ZC3H12B: variants seen among roughly 807,000 people sequenced by gnomAD.
ZC3H12B encodes probable ribonuclease ZC3H12B.
In ZC3H12B, 7 loss-of-function variants were observed where a neutral mutation model predicts 43.9. The ratio of observed to expected loss-of-function variants is 0.16; its 90% CI spans 0.09 to 0.30. The LOEUF (loss-of-function observed/expected upper bound fraction) is 0.30, where lower values mean the gene tolerates loss of function less well. Ranked by LOEUF, ZC3H12B falls within the 10% of genes least tolerant of loss-of-function variation. The pLI is 1.00. For synonymous variants in ZC3H12B, 222 were observed against 241.7 expected (o/e 0.92, Z 0.76); for missense variants, 475 against 670.2 (o/e 0.71, Z 3.22).
chrX:65,279,512 G>T, the ZC3H12B span, among the ~76,000 whole-genome samples: 1 of 110,931 alleles, frequency 9.0e-6, no homozygotes, highest in African/African-American at 3.3e-5. Flanking sequence ...TAACTGGCTA[G>T]CCATATGCAG....
chrX:65,451,628 C>T (rs1602465812), intron 3 of ZC3H12B, among the ~76,000 whole-genome samples: 1 of 112,106 alleles, frequency 8.9e-6, no homozygotes, highest in East Asian at 2.8e-4. Context: ...GCATCAGCCA[C>T]TGTGCTCAGC....
At chrX:65,254,824 A>G in the ZC3H12B span, among the ~76,000 whole-genome samples, 2 of 111,465 alleles carry the variant, frequency 1.8e-5, no homozygotes, top group African/African-American at 3.3e-5. Context: ...CAATAAAATG[A>G]TACAGGAGAT....
At chrX:65,426,130 A>G (rs902455684) in intron 3 of ZC3H12B, among the ~76,000 whole-genome samples, 1 of 107,941 alleles carries the variant, frequency 9.3e-6, no homozygotes, top group Non-Finnish European at 1.9e-5. Flanking sequence ...TATTGCCTCA[A>G]TTTCAGAACT....
chrX:65,380,792 G>A (rs2066426380), intron 2 of ZC3H12B, among the ~76,000 whole-genome samples: 1 of 111,235 alleles, frequency 9.0e-6, no homozygotes, highest in Admixed American at 9.6e-5. Context: ...AACAAAGGCA[G>A]GGGTTGCAAT....
At chrX:65,330,979 C>T in the ZC3H12B span, 8 of 325,142 alleles carry the variant, frequency 2.5e-5, no homozygotes, top group Admixed American at 1.8e-4. Flanking sequence ...TCTCATCTTT[C>T]CCTCTGCATA....
intron 3 of ZC3H12B, among the ~76,000 whole-genome samples, chrX:65,453,368 A>C (rs865881590): frequency 1.5e-5 from 1 of 68,481 alleles, no homozygotes; most frequent in Admixed American, 1.6e-4. Context: ...GCATATATAT[A>C]TATATATATA....
chrX:65,382,740 G>T lies in ZC3H12B; in HGVS notation n.295+13742G>T, dbSNP rs146841763. On this transcript the variant is annotated intron_variant and non_coding_transcript_variant, in intron 2 of 5. Coordinates refer to the ZC3H12B transcript ENST00000617377. Reference sequence around the variant, plus strand: ...GCCAAAAATCTCCTTAAGCTGATAAGCAACTTCAGCAAAGTCTCAAAATAT... The same window carrying T: ...GCCAAAAATCTCCTTAAGCTGATAATCAACTTCAGCAAAGTCTCAAAATAT... 1.7e-3 allele frequency among the ~76,000 whole-genome samples: 187 copies of T among 111,861 alleles called. 1 individual carries two copies. Among genetic ancestry groups the T allele is most frequent in the African/African-American group, 6.0e-3 (184 of 30,753 alleles).
chrX:65,271,028 C>G, the ZC3H12B span: 3 of 112,009 alleles, frequency 2.7e-5, no homozygotes, highest in Non-Finnish European at 5.6e-5. Context: ...AGCTTGCAAC[C>G]AAAAGGAAAG....
the ZC3H12B span, among the ~76,000 whole-genome samples, chrX:65,117,951 T>C: frequency 9.0e-6 from 1 of 111,430 alleles, no homozygotes; most frequent in African/African-American, 3.3e-5. Flanking sequence ...ACCATGCTGT[T>C]TTGGTTACTG....
the ZC3H12B span, among the ~76,000 whole-genome samples, chrX:65,162,310 G>A: frequency 9.0e-6 from 1 of 111,360 alleles, no homozygotes; most frequent in African/African-American, 3.3e-5. Context: ...CTGAATGCTG[G>A]CCTGCCTTGC....
chrX:65,425,054 G>A (rs1331096398), intron 3 of ZC3H12B, among the ~76,000 whole-genome samples: 1 of 111,732 alleles, frequency 8.9e-6, no homozygotes, highest in African/African-American at 3.3e-5. Flanking sequence ...AATGCTTTGG[G>A]CAGTATTGCC....
the ZC3H12B span, among the ~76,000 whole-genome samples, chrX:65,136,642 A>G: frequency 3.6e-5 from 4 of 111,386 alleles, no homozygotes; most frequent in African/African-American, 6.5e-5. Context: ...GTCTGTCCCA[A>G]TGGCATTTCT....
chrX:65,459,377 T>C (rs761596444), intron 3 of ZC3H12B, among the ~76,000 whole-genome samples: 1 of 111,819 alleles, frequency 8.9e-6, no homozygotes, highest in Admixed American at 9.5e-5. Context: ...ATCATCCTGA[T>C]ACCAAAGCCT....
chrX:65,313,506 G>T, the ZC3H12B span, among the ~76,000 whole-genome samples: 6 of 111,967 alleles, frequency 5.4e-5, no homozygotes, highest in Non-Finnish European at 1.1e-4. Context: ...AAGGCTTTAA[G>T]AACTGAACTA....
the ZC3H12B span, among the ~76,000 whole-genome samples, chrX:65,349,917 C>G: frequency 2.7e-5 from 3 of 111,998 alleles, no homozygotes; most frequent in African/African-American, 6.5e-5. Flanking sequence ...CAATGAAATT[C>G]TACCAGAGTG....
the ZC3H12B span, among the ~76,000 whole-genome samples, chrX:65,099,104 G>A: frequency 9.0e-6 from 1 of 111,533 alleles, no homozygotes; most frequent in Non-Finnish European, 1.9e-5. Flanking sequence ...CCTTGCTAAG[G>A]ACTGGGTGGA....
At chrX:65,187,513 G>A in the ZC3H12B span, among the ~76,000 whole-genome samples, 1 of 111,744 alleles carries the variant, frequency 8.9e-6, no homozygotes, top group Admixed American at 9.5e-5. Context: ...GATTACCAAA[G>A]AGAGAAAAAT....
the ZC3H12B span, among the ~76,000 whole-genome samples, chrX:65,254,709 T>A: frequency 8.9e-6 from 1 of 111,941 alleles, no homozygotes; most frequent in African/African-American, 3.2e-5. Context: ...TTAACCAGGC[T>A]GAAATGGCTG....
the ZC3H12B span, among the ~76,000 whole-genome samples, chrX:65,225,923 A>G: frequency 4.5e-5 from 5 of 112,340 alleles, no homozygotes; most frequent in African/African-American, 1.6e-4. Context: ...AGTGACGGGT[A>G]GAATGGAACC....
Sources: allele counts gnomAD v4.1 joint callset (sites outside exome capture counted in the v4.1 genomes callset), GRCh38; gene constraint gnomAD v4.1.1; transcripts MANE v1.5; gene names NCBI Gene and HGNC (gene_info 2026-07-23, HGNC 2026-07-21).